Variants in MED13 observed in about 807,000 individuals in gnomAD.
MED13 encodes mediator complex subunit 13, also known as mediator of RNA polymerase II transcription subunit 13.
A neutral mutation model predicts 225.2 loss-of-function variants in MED13; 23 were observed. The ratio of observed to expected loss-of-function variants is 0.10; its 90% confidence interval spans 0.07 to 0.14. The LOEUF (loss-of-function observed/expected upper bound fraction) is 0.14. MED13 is among the 10% of genes least tolerant of loss of function. The pLI is 1.00. For synonymous variants in MED13, 942 were observed against 889.2 expected (o/e 1.06, Z -1.06); for missense variants, 2,197 against 2,594.5 (o/e 0.85, Z 3.33).
chr17:61,967,244 T>G (rs746766426), intron 18 of MED13, among the ~76,000 whole-genome samples: 5 of 152,166 alleles, frequency 3.3e-5, no homozygotes, highest in Admixed American at 1.3e-4. Context: ...ATTGTAAATC[T>G]CTAAAAGGTA....
chr17:62,050,432 G>A (rs1035582760), intron 3 of MED13, among the ~76,000 whole-genome samples: 17 of 151,742 alleles, frequency 1.1e-4, no homozygotes, highest in African/African-American at 2.9e-4. Context: ...GTGTTGAGTC[G>A]GGGGAAGTAA....
intron 8 of MED13, among the ~76,000 whole-genome samples, chr17:62,022,287 A>T (rs2080656670): frequency 6.6e-6 from 1 of 151,834 alleles, no homozygotes; most frequent in South Asian, 2.1e-4. Flanking sequence ...TGAGCCTAGG[A>T]CACCTTCTGT....
intron 10 of MED13, among the ~76,000 whole-genome samples, chr17:61,993,543 C>A (rs1353481241): frequency 6.6e-6 from 1 of 151,942 alleles, no homozygotes. Context: ...TTCCCAACTA[C>A]CACTACTCTC....
intron 8 of MED13, among the ~76,000 whole-genome samples, chr17:62,023,293 A>C (rs1239957817): frequency 6.6e-6 from 1 of 152,226 alleles, no homozygotes; most frequent in Admixed American, 6.5e-5. Flanking sequence ...CACACAGAAG[A>C]AATTCACTAT....
chr17:61,994,859 C>T (rs1331780397), intron 10 of MED13, among the ~76,000 whole-genome samples: 1 of 152,072 alleles, frequency 6.6e-6, no homozygotes, highest in Non-Finnish European at 1.5e-5. Flanking sequence ...ACAAGGCGCA[C>T]ACCACCACAC....
chr17:62,016,397 C>CTT (rs2080581870), intron 8 of MED13, among the ~76,000 whole-genome samples: 1 of 152,092 alleles, frequency 6.6e-6, no homozygotes, highest in Non-Finnish European at 1.5e-5. Flanking sequence ...TAAGGAGATG[C>CTT]ATCCCCCTCA....
chr17:61,966,320 A>G, intron 19 of MED13, 142 bp downstream of exon 19: 1 of 674,350 alleles, frequency 1.5e-6, no homozygotes, highest in African/African-American at 1.8e-5. Context: ...CTCAGCTCCA[A>G]TGTTGTAGCA....
At chr17:61,972,373 C>T (rs2080117423) in intron 17 of MED13, among the ~76,000 whole-genome samples, 1 of 152,070 alleles carries the variant, frequency 6.6e-6, no homozygotes, top group Non-Finnish European at 1.5e-5. Context: ...CCTCATTTCC[C>T]ACTCCACCTC....
intron 16 of MED13, among the ~76,000 whole-genome samples, chr17:61,974,177 T>G (rs1237424171): frequency 6.6e-6 from 1 of 152,116 alleles, no homozygotes; most frequent in Non-Finnish European, 1.5e-5. Flanking sequence ...TTTGGGAGAC[T>G]GAGGCAGTCA....
intron 9 of MED13, among the ~76,000 whole-genome samples, chr17:62,009,128 C>T (rs2080482506): frequency 6.6e-6 from 1 of 152,150 alleles, no homozygotes; most frequent in South Asian, 2.1e-4. Context: ...AATAGGTAGA[C>T]AGTTCTATTG....
intron 8 of MED13, among the ~76,000 whole-genome samples, chr17:62,023,184 A>G (rs1383128071): frequency 6.6e-6 from 1 of 152,192 alleles, no homozygotes; most frequent in African/African-American, 2.4e-5. Flanking sequence ...AATAATTTCT[A>G]TTCATGTAAA....
chr17:62,026,577 G>C (rs1350889650), intron 8 of MED13, among the ~76,000 whole-genome samples: 1 of 151,556 alleles, frequency 6.6e-6, no homozygotes, highest in Non-Finnish European at 1.5e-5. Flanking sequence ...ATAGTATGGG[G>C]AGTCCTGGCC....
chr17:62,015,954 ATTTTT>A (rs869061252), intron 8 of MED13, among the ~76,000 whole-genome samples: 1,328 of 12,820 alleles, frequency 0.1, 103 homozygotes, highest in Non-Finnish European at 0.12. Context: ...ATATATATAT[ATTTTT>A]TTTTTTTTTT....
At chr17:62,004,258 C>A (rs1357735323) in intron 9 of MED13, 1 of 152,078 alleles carries the variant, frequency 6.6e-6, no homozygotes, top group Admixed American at 6.6e-5. Flanking sequence ...CAGCAGTAAA[C>A]AAGACAAGAG....
chr17:62,045,811 C>A (rs924197481), intron 3 of MED13, among the ~76,000 whole-genome samples: 1 of 152,134 alleles, frequency 6.6e-6, no homozygotes, highest in South Asian at 2.1e-4. Flanking sequence ...CTTACACTTG[C>A]GGGATTCTTT....
chr17:62,030,379 A>AGAGGCTGGCCAGAGGTGGG (rs1162685362), intron 6 of MED13: 1 of 161,164 alleles, frequency 6.2e-6, no homozygotes, highest in Non-Finnish European at 1.3e-5. Flanking sequence ...CATCAAGGTC[A>AGAGGCTGGCCAGAGGTGGG]GAGGCTGGCC....
chr17:62,017,809 ACT>A (rs931338021), intron 8 of MED13, among the ~76,000 whole-genome samples: 4 of 152,164 alleles, frequency 2.6e-5, no homozygotes, highest in African/African-American at 4.8e-5. Flanking sequence ...ATCTTTTTAC[ACT>A]CTGTATAAAG....
At chr17:61,980,026 T>C (rs1217516620) in intron 16 of MED13, among the ~76,000 whole-genome samples, 1 of 151,914 alleles carries the variant, frequency 6.6e-6, no homozygotes, top group East Asian at 1.9e-4. Context: ...TCGTCTCTAC[T>C]AAAATACAAA....
chr17:62,059,188 T>C (rs2081018995), intron 2 of MED13, among the ~76,000 whole-genome samples: 1 of 152,176 alleles, frequency 6.6e-6, no homozygotes. Flanking sequence ...AATCCAAATA[T>C]ATACTTTAGT....
Sources: allele counts gnomAD v4.1 joint callset (sites outside exome capture counted in the v4.1 genomes callset), GRCh38; gene constraint gnomAD v4.1.1; transcripts MANE v1.5; gene names NCBI Gene and HGNC (gene_info 2026-07-23, HGNC 2026-07-21).